Variants in GFRAL observed in about 807,000 individuals in gnomAD.
GFRAL encodes GDNF family receptor alpha like.
A neutral mutation model predicts 45.4 loss-of-function variants in GFRAL; 36 were observed. That is an observed-to-expected ratio of 0.79 (90% confidence interval 0.61 to 1.05). The LOEUF is 1.05. Among genes scored for constraint, GFRAL ranks in the 50% least tolerant of loss-of-function variants. The pLI is 0.00. For synonymous variants in GFRAL, 166 were observed against 154.1 expected (o/e 1.08, Z -0.57); for missense variants, 507 against 467.5 (o/e 1.08, Z -0.78).
chr6:55,332,934 A>G (rs2127349830), intron 2 of GFRAL, among the ~76,000 whole-genome samples: 1 of 152,264 alleles, frequency 6.6e-6, no homozygotes, highest in East Asian at 1.9e-4. Flanking sequence ...ATTGTTCTAC[A>G]GCATAATCTA....
At chr6:55,369,655 A>G (rs1768423647) in intron 6 of GFRAL, among the ~76,000 whole-genome samples, 1 of 151,502 alleles carries the variant, frequency 6.6e-6, no homozygotes, top group Non-Finnish European at 1.5e-5. Flanking sequence ...TGGAATTACT[A>G]GACCATAAGA....
At chr6:55,353,193 A>G (rs1224228757) in intron 5 of GFRAL, among the ~76,000 whole-genome samples, 1 of 152,034 alleles carries the variant, frequency 6.6e-6, no homozygotes, top group Non-Finnish European at 1.5e-5. Context: ...GGCTTCGGAC[A>G]TGTAGGTGGC....
chr6:55,397,847 C>T (rs915761312), intron 6 of GFRAL, among the ~76,000 whole-genome samples: 3 of 152,088 alleles, frequency 2.0e-5, no homozygotes, highest in Non-Finnish European at 4.4e-5. Flanking sequence ...GACAGACAGA[C>T]AGACTATACA....
intron 8 of GFRAL, 70 bp downstream of exon 8, chr6:55,399,511 A>G (rs910404867): frequency 2.0e-6 from 2 of 990,556 alleles, no homozygotes; most frequent in Non-Finnish European, 3.2e-6. Flanking sequence ...CATGTTGCAC[A>G]ATGGCTGAGC....
intron 6 of GFRAL, among the ~76,000 whole-genome samples, chr6:55,367,490 T>C (rs1229055876): frequency 6.8e-6 from 1 of 147,344 alleles, no homozygotes; most frequent in Non-Finnish European, 1.5e-5. Flanking sequence ...CATTATGATG[T>C]TAGCTGGTTA....
chr6:55,372,746 G>C (rs1465080170), intron 6 of GFRAL, among the ~76,000 whole-genome samples: 2 of 152,108 alleles, frequency 1.3e-5, no homozygotes, highest in Admixed American at 6.6e-5. Flanking sequence ...CTATAGTCTA[G>C]CTTTGTGCCA....
At chr6:55,350,515 A>G (rs578234149) in intron 4 of GFRAL, among the ~76,000 whole-genome samples, 2 of 152,088 alleles carry the variant, frequency 1.3e-5, no homozygotes, top group East Asian at 3.9e-4. Flanking sequence ...TCTCTACAAA[A>G]ACAAAACAAA....
At chr6:55,357,410 T>C (rs917387875) in intron 5 of GFRAL, among the ~76,000 whole-genome samples, 3 of 149,890 alleles carry the variant, frequency 2.0e-5, no homozygotes, top group Admixed American at 6.7e-5. Context: ...GTTATCATTA[T>C]ATAATCACCT....
chr6:55,359,218 A>G, intron 6 of GFRAL, 80 bp downstream of exon 6: 1 of 1,236,406 alleles, frequency 8.1e-7, no homozygotes, highest in Non-Finnish European at 1.1e-6. Context: ...GTTTTTGCCT[A>G]TACAGTAAAA....
chr6:55,366,277 G>C (rs150490054), intron 6 of GFRAL, among the ~76,000 whole-genome samples: 5 of 150,676 alleles, frequency 3.3e-5, no homozygotes, highest in Non-Finnish European at 7.5e-5. Flanking sequence ...CTATGGGATC[G>C]GTAGTGACAT....
At chr6:55,377,618 G>T (rs978791674) in intron 6 of GFRAL, among the ~76,000 whole-genome samples, 1 of 152,000 alleles carries the variant, frequency 6.6e-6, no homozygotes, top group African/African-American at 2.4e-5. Flanking sequence ...GGGAGGCTGG[G>T]AAATATAGTT....
chr6:55,350,097 G>A lies in GFRAL; in HGVS notation c.322G>A (p.Val108Met), dbSNP rs147652095. ...TTTCTTTGTTTTCCTTCTAGATAAC[G>A]TGAAAGAGGATAAATTCAAATGGAA... is the stretch of plus-strand genomic sequence containing the variant. ...GKKCINKSDNVKEDKFKWNLT... is the reference protein window; with the variant it reads ...GKKCINKSDNMKEDKFKWNLT... Residue 108 changes from valine to methionine, a missense_variant, in exon 4 of 9, where the codon GTG (valine) becomes ATG (methionine). By Grantham distance (21) the Val-to-Met change is conservative. Coordinates refer to ENST00000340465, the MANE Select transcript of GFRAL (RefSeq NM_207410.2). 0.012 allele frequency: 17,529 copies of A among 1,513,474 alleles called. 170 individuals carry two copies. Among genetic ancestry groups the A allele is most frequent in the Non-Finnish European group, 0.014 (14,910 of 1,090,834 alleles). The allele number at this position is 1,513,474 out of a possible 1,614,324, so 93.8% of individuals were successfully genotyped here.
At chr6:55,346,387 TG>T (rs1768042249) in intron 3 of GFRAL, among the ~76,000 whole-genome samples, 1 of 152,150 alleles carries the variant, frequency 6.6e-6, no homozygotes, top group African/African-American at 2.4e-5. Flanking sequence ...TCATGTCCTT[TG>T]TAGGGACATG....
chr6:55,341,654 T>G (rs375349427), intron 3 of GFRAL, among the ~76,000 whole-genome samples: 1 of 152,114 alleles, frequency 6.6e-6, no homozygotes, highest in African/African-American at 2.4e-5. Flanking sequence ...TCGCCAGCAA[T>G]GGAACAAAGC....
At chr6:55,363,720 G>A (rs886126466) in intron 6 of GFRAL, among the ~76,000 whole-genome samples, 19 of 150,898 alleles carry the variant, frequency 1.3e-4, no homozygotes, top group Non-Finnish European at 2.1e-4. Flanking sequence ...AGTTTACTGA[G>A]AATGATGATT....
chr6:55,375,116 G>T (rs922880473), intron 6 of GFRAL, among the ~76,000 whole-genome samples: 1 of 151,852 alleles, frequency 6.6e-6, no homozygotes, highest in Non-Finnish European at 1.5e-5. Context: ...CTCTTTTTTT[G>T]CTCCATATGA....
At chr6:55,363,099 T>C (rs910011047) in intron 6 of GFRAL, among the ~76,000 whole-genome samples, 2 of 148,582 alleles carry the variant, frequency 1.3e-5, no homozygotes. Context: ...CTCTGTTTAG[T>C]AAATTCTACA....
intron 3 of GFRAL, among the ~76,000 whole-genome samples, chr6:55,334,203 C>G (rs1002691925): frequency 6.6e-6 from 1 of 152,142 alleles, no homozygotes; most frequent in African/African-American, 2.4e-5. Flanking sequence ...ATACTTCTTT[C>G]ATTACTAACC....
At position 55,351,483 on chromosome 6, in the gene GFRAL, T is replaced by C. The variant is rs1768116494; in HGVS notation, c.601T>C (p.Ser201Pro). The C allele has an allele frequency of 8.7e-6, 14 of 1,613,484 alleles. No homozygotes were observed. The highest frequency in any genetic ancestry group is 1.1e-5 in the Non-Finnish European group (13 of 1,179,722). Residue 201 changes from serine to proline, a missense_variant, in exon 5 of 9, where the codon TCC becomes CCC. Ser to Pro is a moderately conservative substitution (Grantham distance 74). Transcript: ENST00000340465. ...TCAATCTGATATACCTTGTCAGCAG[T>C]CCAAAGAAGCTCTTCACAGCAAGAC... ...CAQSDIPCQQ[S>P]KEALHSKTCA...
Sources: gnomAD v4.1 joint callset for allele counts (sites outside exome capture counted in the v4.1 genomes callset) on GRCh38, gnomAD v4.1.1 for gene constraint, MANE v1.5 for transcripts, NCBI Gene and HGNC (gene_info 2026-07-23, HGNC 2026-07-21) for gene names.